Variants in ZNF184 observed in about 807,000 individuals in gnomAD.
ZNF184 encodes zinc finger protein 184 (Kruppel-like).
Under a neutral mutation model 54.4 loss-of-function variants are expected in ZNF184, and 16 were observed. The observed-to-expected ratio is 0.29, with a 90% CI of 0.20 to 0.45. The LOEUF is 0.45. ZNF184 is among the 20% of genes least tolerant of loss of function. The pLI is 1.00. For synonymous variants in ZNF184, 254 were observed against 295.3 expected, an observed-to-expected ratio of 0.86 and a Z score of 1.43; for missense variants, 681 against 888.2, an observed-to-expected ratio of 0.77 and a Z score of 2.97.
chr6:27,457,968 A>C (rs1051488247), intron 3 of ZNF184, among the ~76,000 whole-genome samples: 1 of 152,180 alleles, frequency 6.6e-6, no homozygotes, highest in South Asian at 2.1e-4. Flanking sequence ...AAGTTAGTTA[A>C]ATTAAAAGTA....
chr6:27,428,390 T>C, the ZNF184 span, among the ~76,000 whole-genome samples: 1 of 152,214 alleles, frequency 6.6e-6, no homozygotes, highest in African/African-American at 2.4e-5. This position sits in a 1 kb window ranked among gnomAD's most constrained non-coding sequence, Gnocchi z 4.1. Context: ...CACACGTTTA[T>C]TGGAATCTCC....
rs1763138160 is a variant in ZNF184 at position 27,466,373 on chromosome 6, G to A, written c.75+1480C>T. Among the ~76,000 whole-genome samples, 4 of 152,048 alleles carry A rather than the reference G, an allele frequency of 2.6e-5. No individual in the cohort carries two copies. The South Asian group carries it at 8.3e-4, about 32-fold the overall frequency. The stretch of plus-strand genomic sequence containing the variant: ...GTTATTTTACGCCATCTAAGCTTAT[G>A]GCAATTAATTATAGCAGCAATAGAA... On this transcript the variant is annotated intron_variant, in intron 3 of 5. Coordinates refer to ENST00000683788, the MANE Select transcript of ZNF184 (RefSeq NM_001318891.2).
At chr6:27,457,711 G>A (rs920532409) in intron 3 of ZNF184, among the ~76,000 whole-genome samples, 3 of 152,056 alleles carry the variant, frequency 2.0e-5, no homozygotes, top group African/African-American at 7.2e-5. Flanking sequence ...TGTGTTCCAA[G>A]GTCCGCTAAG....
downstream of ZNF184, among the ~76,000 whole-genome samples, chr6:27,449,405 T>G (rs1479496916): frequency 6.6e-6 from 1 of 152,270 alleles, no homozygotes; most frequent in Non-Finnish European, 1.5e-5. Context: ...GTTATTTTTC[T>G]GGATTCATTA....
intron 5 of ZNF184, among the ~76,000 whole-genome samples, chr6:27,456,277 C>G (rs960499749): frequency 3.7e-5 from 5 of 135,190 alleles, no homozygotes; most frequent in African/African-American, 1.3e-4. Context: ...AAAAAAAAAT[C>G]AGAAGCTATA....
At chr6:27,459,218 T>C (rs1762939409) in intron 3 of ZNF184, among the ~76,000 whole-genome samples, 1 of 152,146 alleles carries the variant, frequency 6.6e-6, no homozygotes, top group Non-Finnish European at 1.5e-5. Flanking sequence ...TACAAGAAAG[T>C]AGAAGAGAGG....
chr6:27,419,637 CCTT>C, the ZNF184 span, among the ~76,000 whole-genome samples: 1 of 152,132 alleles, frequency 6.6e-6, no homozygotes. This position sits in a 1 kb window ranked among gnomAD's most constrained non-coding sequence, Gnocchi z 4.8. Flanking sequence ...TATCTCCATA[CCTT>C]CAACAGTGAA....
chr6:27,443,431 C>T, the ZNF184 span, among the ~76,000 whole-genome samples: 1 of 152,246 alleles, frequency 6.6e-6, no homozygotes, highest in Non-Finnish European at 1.5e-5. Flanking sequence ...ACCTTCCTCA[C>T]ACTTCCCATG....
Position 27,452,875 on chromosome 6 carries a change from C to A in ZNF184, c.684G>T (p.Gly228=), listed in dbSNP as rs764767432. 1.2e-6 allele frequency: 2 copies of A among 1,614,118 alleles called. No homozygotes were observed. The highest frequency in any genetic ancestry group is 2.2e-5 in the East Asian group (1 of 44,878). The change falls in exon 6 of 6, where the codon GGG becomes GGT. Residue 228 remains glycine, a synonymous_variant. Transcript: ENST00000683788. This position sits in a 1 kb window ranked among gnomAD's most constrained non-coding sequence, Gnocchi z 5.5. ...GAGCTGAACAATAACTAAAGGCTTT[C>A]CCACATTCATTGCACTTACAAGATT... ...KEKSCKCNEC[G]KAFSYCSALI... is the part of the protein sequence containing the mutation.
At chr6:27,409,266 G>A in the ZNF184 span, among the ~76,000 whole-genome samples, 1 of 152,042 alleles carries the variant, frequency 6.6e-6, no homozygotes, top group Non-Finnish European at 1.5e-5. Context: ...TTGGGAGGCC[G>A]AGGCGGGCGG....
the ZNF184 span, among the ~76,000 whole-genome samples, chr6:27,433,923 CT>C: frequency 1.2e-5 from 1 of 86,374 alleles, no homozygotes; most frequent in South Asian, 3.9e-4. Flanking sequence ...TTTCTTTCTT[CT>C]TTCTTTCTTT....
chr6:27,407,498 G>C, the ZNF184 span, among the ~76,000 whole-genome samples: 3 of 152,206 alleles, frequency 2.0e-5, no homozygotes, highest in Non-Finnish European at 4.4e-5. Context: ...TCTCTGGGCA[G>C]CAGCGCCTGC....
At chr6:27,420,734 T>C in the ZNF184 span, among the ~76,000 whole-genome samples, 1 of 152,174 alleles carries the variant, frequency 6.6e-6, no homozygotes, top group Non-Finnish European at 1.5e-5. Context: ...GGAAGACAGG[T>C]CAGTGGTTTC....
the ZNF184 span, among the ~76,000 whole-genome samples, chr6:27,419,132 T>C: frequency 6.6e-6 from 1 of 152,166 alleles, no homozygotes; most frequent in African/African-American, 2.4e-5. This position sits in a 1 kb window ranked among gnomAD's most constrained non-coding sequence, Gnocchi z 4.8. Context: ...ACAGTCTCAC[T>C]CTGCTCTGTT....
chr6:27,467,259 T>G lies in ZNF184; in HGVS notation c.75+594A>C, dbSNP rs1581588622. On this transcript the variant is annotated intron_variant, in intron 3 of 5. Transcript: ENST00000683788. The stretch of plus-strand genomic sequence containing the variant: ...ATTACTCATTTCACCTTTCTTACAT[T>G]TACCTGTTTTATTTTCTAGCAGTCA... 2.0e-5 allele frequency among the ~76,000 whole-genome samples: 3 copies of G among 152,240 alleles called. No homozygotes were observed. The Middle Eastern group carries it at 0.01, about 518-fold the overall frequency.
chr6:27,452,479 T>C lies in ZNF184; in HGVS notation c.1080A>G (p.Lys360=), dbSNP rs919705701. 3.7e-6 allele frequency: 6 copies of C among 1,614,046 alleles called. No homozygotes were observed. Among genetic ancestry groups the C allele is most frequent in the Non-Finnish European group, 5.1e-6 (6 of 1,179,992 alleles). ...TATCACATTCATCACATTTAAAAGGTTTTTCTCCCGTATGAATTTTCTGAT... is the reference window on the plus strand; with the variant it reads ...TATCACATTCATCACATTTAAAAGGCTTTTCTCCCGTATGAATTTTCTGAT... The part of the protein sequence containing the change: ...MEHQKIHTGE[K]PFKCDECDKT... Residue 360 remains lysine (K), a synonymous_variant, in exon 6 of 6, where the codon AAA becomes AAG. Transcript: ENST00000683788. This position sits in a 1 kb window ranked among gnomAD's most constrained non-coding sequence, Gnocchi z 5.5.
At chr6:27,427,627 A>T in the ZNF184 span, among the ~76,000 whole-genome samples, 1 of 152,222 alleles carries the variant, frequency 6.6e-6, no homozygotes, top group Non-Finnish European at 1.5e-5. Flanking sequence ...ATCTCTGCAC[A>T]GGGCCTTCCT....
Position 27,457,093 on chromosome 6 carries a change from T to C in ZNF184, c.203-172A>G, listed in dbSNP as rs77649000. On this transcript the variant is annotated intron_variant, in intron 4 of 5. Transcript: ENST00000683788. Reference sequence around the variant, plus strand: ...TTCCCAGACATGGTGGGAGTATAATTTGGGAACTGATCGGGGTTCAGGAAA... The same window carrying C: ...TTCCCAGACATGGTGGGAGTATAATCTGGGAACTGATCGGGGTTCAGGAAA... Among the ~76,000 whole-genome samples, 1,090 of 152,236 alleles carry C rather than the reference T, an allele frequency of 7.2e-3. 11 individuals are homozygous for C. Among genetic ancestry groups the C allele is most frequent in the East Asian group, 0.062 (323 of 5,168 alleles).
chr6:27,440,962 G>A, the ZNF184 span, among the ~76,000 whole-genome samples: 6 of 151,934 alleles, frequency 3.9e-5, no homozygotes, highest in Non-Finnish European at 8.8e-5. Flanking sequence ...CCGAGATCGC[G>A]CCACTGCACT....
Sources: allele counts gnomAD v4.1 joint callset (sites outside exome capture counted in the v4.1 genomes callset), GRCh38; gene constraint gnomAD v4.1.1; non-coding constraint Gnocchi (gnomAD v3.1); transcripts MANE v1.5; gene names NCBI Gene and HGNC (gene_info 2026-07-23, HGNC 2026-07-21).